FBXO11: variants seen among roughly 807,000 people sequenced by gnomAD.
The protein encoded by FBXO11 is F-box protein 11, also known as F-box only protein 11.
A neutral mutation model predicts 117.0 loss-of-function variants in FBXO11; 13 were observed. That is an observed-to-expected ratio of 0.11 (90% CI 0.07 to 0.18). The LOEUF (loss-of-function observed/expected upper bound fraction) is 0.18, where lower values mean the gene tolerates loss of function less well. Among genes scored for constraint, FBXO11 ranks in the 10% least tolerant of loss-of-function variants. FBXO11 has a pLI of 1.00. For synonymous variants in FBXO11, 490 were observed against 380.5 expected, an observed-to-expected ratio of 1.29 and a Z score of -3.35; for missense variants, 767 against 1,164.4, an observed-to-expected ratio of 0.66 and a Z score of 4.97.
At chr2:47,827,168 G>A (rs1204352271) in intron 11 of FBXO11, among the ~76,000 whole-genome samples, 1 of 152,174 alleles carries the variant, frequency 6.6e-6, no homozygotes, top group Non-Finnish European at 1.5e-5. Flanking sequence ...CTTAAAATGA[G>A]AAGCCTCTAC....
intron 1 of FBXO11, among the ~76,000 whole-genome samples, chr2:47,886,501 C>CA (rs368848073): frequency 0.13 from 10,382 of 82,316 alleles, 451 homozygotes; most frequent in African/African-American, 0.18. Flanking sequence ...GCGAGACTCT[C>CA]AAAAAAAAAA....
At chr2:47,816,283 G>T (rs1050928038) in intron 16 of FBXO11, among the ~76,000 whole-genome samples, 1 of 152,106 alleles carries the variant, frequency 6.6e-6, no homozygotes, top group African/African-American at 2.4e-5. Flanking sequence ...GGGCTCAAGC[G>T]ATCCTCCCAC....
At chr2:47,853,430 A>T (rs566468032) in intron 1 of FBXO11, among the ~76,000 whole-genome samples, 30 of 152,182 alleles carry the variant, frequency 2.0e-4, no homozygotes, top group Non-Finnish European at 3.5e-4. Flanking sequence ...AATATATAAA[A>T]ATACCAAAAT....
At chr2:47,825,863 C>T in intron 11 of FBXO11, among the ~76,000 whole-genome samples, 1 of 151,976 alleles carries the variant, frequency 6.6e-6, no homozygotes, top group African/African-American at 2.4e-5. Flanking sequence ...AGGTGTGAGC[C>T]ACCATGCCGG....
At position 47,818,875 on chromosome 2, in the gene FBXO11, A is replaced by G. The variant is rs759790336; in HGVS notation, c.1921-11T>C. On this transcript the variant is annotated splice_polypyrimidine_tract_variant and intron_variant, in intron 15 of 22. Coordinates refer to ENST00000403359, the MANE Select transcript of FBXO11 (RefSeq NM_001190274.2). The stretch of plus-strand genomic sequence containing the variant: ...AAAATAAACACCAACCTAAAATTTA[A>G]AAAAAAAAAAAAAGCTTTTTCAAGG... 9.1e-7 allele frequency: 1 copy of G among 1,096,348 alleles called. No homozygotes were observed. Among genetic ancestry groups the G allele is most frequent in the Non-Finnish European group, 1.2e-6 (1 of 810,708 alleles). The allele number at this position is 1,096,348 out of a possible 1,614,324, so 67.9% of individuals were successfully genotyped here.
rs754908955 is a variant in FBXO11, at chr2:47,832,643, A to G, written c.1189T>C (p.Cys397Arg). Reference protein sequence around the residue: ...SAVCVSGQGACPTIKHCNISD... With the variant: ...SAVCVSGQGARPTIKHCNISD... ...ATGTTACAGTGCTTGATGGTGGGAC[A>G]TGCTCCTTGACCACTAACACATACT... The change falls in exon 10 of 23, where the codon TGT (cysteine) becomes CGT (arginine). Residue 397 changes from cysteine to arginine, a missense_variant. This residue lies in a region of FBXO11 where 123 missense variants were observed against 145.0 expected (regional missense o/e 0.85). Coordinates refer to ENST00000403359, the MANE Select transcript of FBXO11 (RefSeq NM_001190274.2). 1.2e-6 allele frequency: 2 copies of G among 1,614,010 alleles called. No homozygotes were observed. Among genetic ancestry groups the G allele is most frequent in the Non-Finnish European group, 1.7e-6 (2 of 1,179,962 alleles).
intron 7 of FBXO11, among the ~76,000 whole-genome samples, chr2:47,833,553 AAAT>A (rs1373384315): frequency 1.3e-5 from 2 of 152,230 alleles, no homozygotes; most frequent in African/African-American, 2.4e-5. Context: ...TTTCACTAGC[AAAT>A]AATAATTACT....
chr2:47,845,062 A>C (rs1390499355), intron 1 of FBXO11, among the ~76,000 whole-genome samples: 1 of 152,148 alleles, frequency 6.6e-6, no homozygotes, highest in East Asian at 1.9e-4. Context: ...GTACATTCTC[A>C]AACTTTTCAT....
Position 47,832,851 on chromosome 2 carries a change from G to A in FBXO11, c.1071C>T (p.His357=). 6.2e-7 allele frequency: 1 copy of A among 1,614,028 alleles called. No individual in the cohort carries two copies. The highest frequency in any genetic ancestry group is 8.5e-7 in the Non-Finnish European group (1 of 1,179,938). The part of the protein sequence containing the change: ...RFNPDDKSAQ[H]HNAHHCLEIT... ...TCTCTAAGCAGTGGTGTGCATTGTGGTGTTGTGCAGATTTGTCATCAGGGT... is the reference window on the plus strand; with the variant it reads ...TCTCTAAGCAGTGGTGTGCATTGTGATGTTGTGCAGATTTGTCATCAGGGT... Residue 357 remains histidine (H), a synonymous_variant, in exon 9 of 23, where the codon CAC becomes CAT. Coordinates refer to ENST00000403359, the MANE Select transcript of FBXO11 (RefSeq NM_001190274.2).
At chr2:47,889,133 A>C (rs1350848527) in intron 1 of FBXO11, among the ~76,000 whole-genome samples, 1 of 152,160 alleles carries the variant, frequency 6.6e-6, no homozygotes, top group Non-Finnish European at 1.5e-5. Context: ...CCATAACATA[A>C]CTTTCTAAAA....
At chr2:47,845,760 T>C (rs976927071) in intron 1 of FBXO11, among the ~76,000 whole-genome samples, 1 of 152,182 alleles carries the variant, frequency 6.6e-6, no homozygotes, top group Non-Finnish European at 1.5e-5. Context: ...CTTCAGTGTT[T>C]AGCTTGGTGC....
chr2:47,887,982 T>C (rs924561718), intron 1 of FBXO11, among the ~76,000 whole-genome samples: 2 of 152,068 alleles, frequency 1.3e-5, no homozygotes, highest in Non-Finnish European at 2.9e-5. Context: ...TGTGCCACTG[T>C]GTTCCTGCTG....
intron 13 of FBXO11, among the ~76,000 whole-genome samples, chr2:47,821,961 T>C (rs1671422238): frequency 6.6e-6 from 1 of 152,170 alleles, no homozygotes; most frequent in Admixed American, 6.5e-5. Flanking sequence ...GGCACATGCC[T>C]GTAGTTCTAG....
chr2:47,847,554 C>G (rs944275248), intron 1 of FBXO11, among the ~76,000 whole-genome samples: 1 of 151,688 alleles, frequency 6.6e-6, no homozygotes, highest in South Asian at 2.1e-4. Flanking sequence ...ACCAAAAATA[C>G]AAAAATTAGC....
intron 1 of FBXO11, among the ~76,000 whole-genome samples, chr2:47,896,071 T>C (rs1048481375): frequency 5.9e-5 from 9 of 152,192 alleles, no homozygotes; most frequent in Non-Finnish European, 8.8e-5. Flanking sequence ...CAAACAACTA[T>C]TGCTAACACA....
chr2:47,861,983 G>T (rs1674812389), intron 1 of FBXO11, among the ~76,000 whole-genome samples: 1 of 151,710 alleles, frequency 6.6e-6, no homozygotes, highest in Non-Finnish European at 1.5e-5. Context: ...CACAGTCTCA[G>T]CTCACTATGA....
chr2:47,867,472 T>C (rs1462125215), intron 1 of FBXO11, among the ~76,000 whole-genome samples: 2 of 152,150 alleles, frequency 1.3e-5, no homozygotes, highest in Non-Finnish European at 2.9e-5. Context: ...CACGGCCCAA[T>C]GACAAAGGGG....
chr2:47,880,750 C>T (rs780346144), intron 1 of FBXO11, among the ~76,000 whole-genome samples: 14 of 152,124 alleles, frequency 9.2e-5, no homozygotes, highest in Non-Finnish European at 1.3e-4. Flanking sequence ...ATGAACTCCA[C>T]CTGGTATGTT....
intron 19 of FBXO11, 64 bp from the exon 20 acceptor site, chr2:47,809,771 T>C (rs1670481861): frequency 1.9e-6 from 2 of 1,056,052 alleles, no homozygotes; most frequent in Non-Finnish European, 2.9e-6. Context: ...AACCTGAAAT[T>C]AGCAAGCAAA....
Sources: gnomAD v4.1 joint callset for allele counts (sites outside exome capture counted in the v4.1 genomes callset) on GRCh38, gnomAD v4.1.1 for gene constraint, gnomAD v4.1.1 regional missense constraint, MANE v1.5 for transcripts, NCBI Gene and HGNC (gene_info 2026-07-23, HGNC 2026-07-21) for gene names.